The following WDR33 variants were observed in gnomAD, a reference collection of about 807,000 sequenced individuals.
The protein encoded by WDR33 is pre-mRNA 3' end processing protein WDR33.
A neutral mutation model predicts 164.9 loss-of-function variants in WDR33; 47 were observed. That is an observed-to-expected ratio of 0.29 (90% CI 0.23 to 0.36). The LOEUF (loss-of-function observed/expected upper bound fraction) is 0.36. Among genes scored for constraint, WDR33 ranks in the 10% least tolerant of loss-of-function variants. The probability of loss-of-function intolerance (pLI) is 1.00; values close to 1 mark genes in which losing one functional copy is unlikely to be tolerated. For missense variants in WDR33, 1,137 were observed against 1,754.1 expected, an observed-to-expected ratio of 0.65 and a Z score of 6.28; for synonymous variants, 505 against 589.0, an observed-to-expected ratio of 0.86 and a Z score of 2.06.
In WDR33 at chr2:127,796,796, AG is replaced by A. The variant is rs139690950; in HGVS notation, c.-24+14215del. 6.1e-4 allele frequency among the ~76,000 whole-genome samples: 93 copies of A among 152,220 alleles called. 2 individuals carry two copies. The highest frequency in any genetic ancestry group is 2.2e-3 in the African/African-American group (90 of 41,478). ...TTCGGTCTCCTAAATGACTAGGTTC[AG>A]GGGAAAAGTTTCAGTACACATTCTG... On this transcript the variant is annotated intron_variant, in intron 1 of 21. Coordinates refer to ENST00000322313, the MANE Select transcript of WDR33 (RefSeq NM_018383.5).
At chr2:127,736,604 T>C (rs1203952695) in intron 7 of WDR33, 5 of 985,454 alleles carry the variant, frequency 5.1e-6, no homozygotes, top group Non-Finnish European at 6.0e-6. Flanking sequence ...CCAACTTGTA[T>C]TTACATGGAA....
At chr2:127,730,791 A>G (rs908547455) in intron 7 of WDR33, among the ~76,000 whole-genome samples, 2 of 152,244 alleles carry the variant, frequency 1.3e-5, no homozygotes, top group African/African-American at 4.8e-5. Context: ...CACATTGAGA[A>G]TAATGGAAAC....
Position 127,718,778 on chromosome 2 carries a change from A to G in WDR33, c.2760+487T>C, listed in dbSNP as rs1686355614. ...GAGGTACAGAGTCTATAGTATACTCATGAGTTAAATATCCCATCCTATCTT... is the reference window on the plus strand; with the variant it reads ...GAGGTACAGAGTCTATAGTATACTCGTGAGTTAAATATCCCATCCTATCTT... On this transcript the variant is annotated intron_variant, in intron 16 of 21. Transcript: ENST00000322313. The surrounding 1 kb of genome is among the most constrained non-coding windows in gnomAD (Gnocchi z 4.4). Among the ~76,000 whole-genome samples, 1 of 152,214 alleles carries G rather than the reference A, an allele frequency of 6.6e-6. No individual in the cohort carries two copies. The highest frequency in any genetic ancestry group is 6.5e-5 in the Admixed American group (1 of 15,280).
intron 1 of WDR33, among the ~76,000 whole-genome samples, chr2:127,799,850 C>T (rs963211081): frequency 6.6e-5 from 10 of 152,218 alleles, no homozygotes; most frequent in African/African-American, 2.4e-4. Context: ...ACTGTGATCA[C>T]ACCTGCACTC....
intron 7 of WDR33, among the ~76,000 whole-genome samples, chr2:127,755,470 G>T (rs1687491936): frequency 6.6e-6 from 1 of 152,144 alleles, no homozygotes; most frequent in Non-Finnish European, 1.5e-5. Flanking sequence ...TGCCTGTATT[G>T]TTCTGGCTAC....
intron 7 of WDR33, among the ~76,000 whole-genome samples, chr2:127,744,325 G>C (rs1485278796): frequency 6.6e-6 from 1 of 152,106 alleles, no homozygotes. Flanking sequence ...CTGTGTCTTG[G>C]CAAAAACTTC....
Position 127,717,010 on chromosome 2 carries a change from G to T in WDR33, c.2869+145C>A, listed in dbSNP as rs1410364582. ...ATCCAAGAACACAACCAAAGACAAAGCTCCTACCTGAATGACCACACCCTT... is the reference window on the plus strand; with the variant it reads ...ATCCAAGAACACAACCAAAGACAAATCTCCTACCTGAATGACCACACCCTT... On this transcript the variant is annotated intron_variant, in intron 17 of 21. Transcript: ENST00000322313. This position sits in a 1 kb window ranked among gnomAD's most constrained non-coding sequence, Gnocchi z 5.6. 1.2e-6 allele frequency: 1 copy of T among 810,282 alleles called. No individual in the cohort carries two copies. The highest frequency in any genetic ancestry group is 2.0e-6 in the Non-Finnish European group (1 of 501,156). The allele number at this position is 810,282 out of a possible 1,614,324, so 50.2% of individuals were successfully genotyped here.
intron 1 of WDR33, among the ~76,000 whole-genome samples, chr2:127,772,592 C>T (rs1469777488): frequency 6.6e-6 from 1 of 151,878 alleles, no homozygotes; most frequent in Non-Finnish European, 1.5e-5. Context: ...AATAAACTAC[C>T]TTATTTCATA....
chr2:127,744,296 T>G (rs1573907781), intron 7 of WDR33, among the ~76,000 whole-genome samples: 2 of 152,160 alleles, frequency 1.3e-5, no homozygotes, highest in Non-Finnish European at 1.5e-5. Context: ...ATAAAGGTAT[T>G]AGGAAGCTTA....
In WDR33 at chr2:127,714,945, A is replaced by T. The variant is rs1686262313; in HGVS notation, c.2870-924T>A. 6.6e-6 allele frequency among the ~76,000 whole-genome samples: 1 copy of T among 152,198 alleles called. No individual in the cohort carries two copies. Among genetic ancestry groups the T allele is most frequent in the African/African-American group, 2.4e-5 (1 of 41,444 alleles). The stretch of plus-strand genomic sequence containing the variant: ...CTAAAAACAAAAACTGTGTTTTTAA[A>T]GTGAAATTCCTCCAATAGCCCAGTT... On this transcript the variant is annotated intron_variant, in intron 17 of 21. Coordinates refer to ENST00000322313, the MANE Select transcript of WDR33 (RefSeq NM_018383.5). This position sits in a 1 kb window ranked among gnomAD's most constrained non-coding sequence, Gnocchi z 4.3.
intron 1 of WDR33, among the ~76,000 whole-genome samples, chr2:127,790,773 C>A (rs1331645539): frequency 6.6e-6 from 1 of 151,996 alleles, no homozygotes; most frequent in Non-Finnish European, 1.5e-5. Flanking sequence ...CCACACCCAG[C>A]TTGAATTCGA....
intron 1 of WDR33, among the ~76,000 whole-genome samples, chr2:127,791,159 A>ACCCCCCCCCCCCCCCCCCCCCCCCC (rs1270529963): frequency 2.9e-5 from 1 of 34,318 alleles, no homozygotes. Context: ...CTCTTTCCCC[A>ACCCCCCCCCCCCCCCCCCCCCCCCC]CCCCACCCCC....
chr2:127,770,687 A>G lies in WDR33; in HGVS notation c.204+91T>C. 1 of 920,382 alleles carries G rather than the reference A, an allele frequency of 1.1e-6. No individual in the cohort carries two copies. Among genetic ancestry groups the G allele is most frequent in the Non-Finnish European group, 1.4e-6 (1 of 711,054 alleles). The allele number at this position is 920,382 out of a possible 1,614,324, so 57.0% of individuals were successfully genotyped here. A position where few individuals can be genotyped will look rare whatever the true frequency, so the allele number is the denominator to read the frequency against. ...GCCTGGGCAACAAGAAAGAAACTCC[A>G]TCTCAAAATAAATAAATAAATAAAT... On this transcript the variant is annotated intron_variant, in intron 2 of 21. Coordinates refer to ENST00000322313, the MANE Select transcript of WDR33 (RefSeq NM_018383.5). The surrounding 1 kb of genome is among the most constrained non-coding windows in gnomAD (Gnocchi z 4.9).
intron 7 of WDR33, chr2:127,737,514 AAAAAG>A (rs1238832226): frequency 3.4e-5 from 34 of 986,040 alleles, no homozygotes; most frequent in East Asian, 1.1e-4. Flanking sequence ...GTGCAAAAAG[AAAAAG>A]AAAAGACATT....
At chr2:127,802,994 CA>C (rs1176792493) in intron 1 of WDR33, among the ~76,000 whole-genome samples, 1 of 151,304 alleles carries the variant, frequency 6.6e-6, no homozygotes, top group African/African-American at 2.4e-5. Context: ...AACAAACAAA[CA>C]AAAAAACTAA....
intron 7 of WDR33, among the ~76,000 whole-genome samples, chr2:127,758,624 G>A (rs1687586072): frequency 6.6e-6 from 1 of 152,166 alleles, no homozygotes; most frequent in African/African-American, 2.4e-5. Flanking sequence ...TTCTCTTTAT[G>A]AGTATAATGG....
chr2:127,770,195 A>C lies in WDR33; in HGVS notation c.204+583T>G, dbSNP rs1295281558. ...TAAAGTACTCCCTTCTAATTTGTGA[A>C]CTTTTAGAGCAAATCCTATTTCTAA... On this transcript the variant is annotated intron_variant, in intron 2 of 21. Coordinates refer to ENST00000322313, the MANE Select transcript of WDR33 (RefSeq NM_018383.5). The surrounding 1 kb of genome is among the most constrained non-coding windows in gnomAD (Gnocchi z 4.9). 1.3e-5 allele frequency among the ~76,000 whole-genome samples: 2 copies of C among 152,256 alleles called. No individual in the cohort carries two copies. Among genetic ancestry groups the C allele is most frequent in the African/African-American group, 4.8e-5 (2 of 41,470 alleles).
intron 1 of WDR33, among the ~76,000 whole-genome samples, chr2:127,780,775 T>C (rs1688344213): frequency 6.6e-6 from 1 of 152,186 alleles, no homozygotes; most frequent in Non-Finnish European, 1.5e-5. Flanking sequence ...AGTTTGAGAC[T>C]GCAGTGAGCC....
At chr2:127,772,931 C>A (rs906936880) in intron 1 of WDR33, among the ~76,000 whole-genome samples, 23 of 148,654 alleles carry the variant, frequency 1.5e-4, no homozygotes, top group Non-Finnish European at 3.0e-5. Context: ...CAACACCAGC[C>A]TGTGCACATA....
Sources: allele counts gnomAD v4.1 joint callset (sites outside exome capture counted in the v4.1 genomes callset), GRCh38; gene constraint gnomAD v4.1.1; non-coding constraint Gnocchi (gnomAD v3.1); transcripts MANE v1.5; gene names NCBI Gene and HGNC (gene_info 2026-07-23, HGNC 2026-07-21).